INTS6: variants seen among roughly 807,000 people sequenced by gnomAD.
INTS6 encodes integrator complex subunit 6.
Under a neutral mutation model 104.9 loss-of-function variants are expected in INTS6, and 16 were observed. The ratio of observed to expected loss-of-function variants is 0.15; its 90% confidence interval spans 0.10 to 0.23. INTS6 has a LOEUF of 0.23. INTS6 is among the 10% of genes least tolerant of loss of function. The pLI is 1.00. For synonymous variants in INTS6, 324 were observed against 358.7 expected (o/e 0.90, Z 1.09); for missense variants, 584 against 1,062.8 (o/e 0.55, Z 6.26).
chr13:51,362,194 A>ATT lies in INTS6; in HGVS notation c.*3557_*3558insAA. ...CTGAAGACACTTGGAAAAATCATGA[A>ATT]AGTAAAATAAATTATAAATCTTGCC... is the stretch of plus-strand genomic sequence containing the variant. On this transcript the variant is annotated 3_prime_UTR_variant, in exon 18 of 18. Transcript: ENST00000311234. 1.5e-6 allele frequency: 1 copy of ATT among 657,426 alleles called. No individual in the cohort carries two copies. The highest frequency in any genetic ancestry group is 2.3e-6 in the Non-Finnish European group (1 of 436,350). 40.7% of individuals were successfully genotyped at this position (657,426 alleles called of 1,614,324 possible).
intron 2 of INTS6, 143 bp downstream of exon 2, chr13:51,451,835 C>A (rs1368195303): frequency 4.3e-6 from 2 of 469,568 alleles, no homozygotes; most frequent in Non-Finnish European, 7.5e-6. Flanking sequence ...GGGTGGGAGC[C>A]CGCAGGGAAG....
chr13:51,445,016 A>T (rs1474504108), intron 3 of INTS6: 7 of 152,112 alleles, frequency 4.6e-5, no homozygotes, highest in Non-Finnish European at 7.4e-5. Flanking sequence ...AGCTCAGTTA[A>T]ATCTTATTAA....
At chr13:51,346,889 AAG>A in the INTS6 span, 4 of 640,650 alleles carry the variant, frequency 6.2e-6, no homozygotes, top group Non-Finnish European at 1.1e-5. Context: ...TTGTAAGATG[AAG>A]AGAGAGACCA....
intron 4 of INTS6, among the ~76,000 whole-genome samples, chr13:51,415,155 T>C (rs1449991704): frequency 2.6e-5 from 4 of 151,592 alleles, no homozygotes; most frequent in Non-Finnish European, 5.9e-5. Flanking sequence ...ATGTACTAAA[T>C]GGCACAGAAC....
intron 5 of INTS6, among the ~76,000 whole-genome samples, chr13:51,394,643 G>C (rs2137964577): frequency 6.6e-6 from 1 of 152,176 alleles, no homozygotes; most frequent in Middle Eastern, 3.4e-3. Flanking sequence ...AACCAAAAAT[G>C]CCGTGTCTGT....
At position 51,447,625 on chromosome 13, in the gene INTS6, T is replaced by C. The variant is rs12584804; in HGVS notation, c.339+3400A>G. The stretch of plus-strand genomic sequence containing the variant: ...CTAACTCCTGGAACAATTTAATCAG[T>C]ACTAACATACTTCAGGTAGCAGGGG... On this transcript the variant is annotated intron_variant, in intron 3 of 17. Transcript: ENST00000311234. 0.012 allele frequency: 1,716 copies of C among 145,924 alleles called. 90 individuals carry two copies. In the East Asian group the frequency reaches 0.17, roughly 14 times the overall value. The allele number at this position is 145,924 out of a possible 1,614,324, so 9.0% of individuals were successfully genotyped here. A position where few individuals can be genotyped will look rare whatever the true frequency, so the allele number is the denominator to read the frequency against.
downstream of INTS6, among the ~76,000 whole-genome samples, chr13:51,358,833 T>A (rs1422468590): frequency 6.6e-6 from 1 of 152,012 alleles, no homozygotes; most frequent in East Asian, 1.9e-4. Flanking sequence ...GAATGTTGTA[T>A]TGTAGGAGCA....
intron 16 of INTS6, 22 bp from the exon 17 acceptor site, chr13:51,367,920 AG>A (rs1267865860): frequency 7.6e-7 from 1 of 1,320,184 alleles, no homozygotes; most frequent in East Asian, 2.5e-5. Flanking sequence ...AGAAACAAAA[AG>A]AAAAATTAAG....
At chr13:51,370,876 G>C (rs991202873) in intron 15 of INTS6, among the ~76,000 whole-genome samples, 2 of 152,122 alleles carry the variant, frequency 1.3e-5, no homozygotes, top group Admixed American at 1.3e-4. Flanking sequence ...ATAGGGAATG[G>C]ATCTTTGGGT....
chr13:51,387,632 T>A, intron 6 of INTS6, 92 bp from the exon 7 acceptor site: 1 of 982,830 alleles, frequency 1.0e-6, no homozygotes, highest in Non-Finnish European at 1.4e-6. Flanking sequence ...CTTAAATTAA[T>A]AAAAAATTCC....
chr13:51,379,586 G>T lies in INTS6; in HGVS notation c.1276-14C>A. 1 of 1,430,054 alleles carries T rather than the reference G, an allele frequency of 7.0e-7. No homozygotes were observed. The highest frequency in any genetic ancestry group is 9.7e-7 in the Non-Finnish European group (1 of 1,035,526). 88.6% of individuals were successfully genotyped at this position (1,430,054 alleles called of 1,614,324 possible). A position where few individuals can be genotyped will look rare whatever the true frequency, so the allele number is the denominator to read the frequency against. ...TTTCTTCAAGGGCTATAGGAAAAAA[G>T]AAAACATCATTCAATATTAAGCTTA... On this transcript the variant is annotated splice_polypyrimidine_tract_variant and intron_variant, in intron 10 of 17. Coordinates refer to ENST00000311234, the MANE Select transcript of INTS6 (RefSeq NM_012141.3).
chr13:51,425,615 G>A (rs1956970734), intron 4 of INTS6, among the ~76,000 whole-genome samples: 1 of 152,048 alleles, frequency 6.6e-6, no homozygotes, highest in Admixed American at 6.6e-5. Flanking sequence ...GTACTGGCAG[G>A]ATTTCTTCTG....
At chr13:51,350,216 G>C (rs1353180726), downstream of INTS6, among the ~76,000 whole-genome samples, 2 of 152,114 alleles carry the variant, frequency 1.3e-5, no homozygotes, top group Non-Finnish European at 2.9e-5. Context: ...ACATCACCAA[G>C]CAGTGCACTA....
In INTS6 at chr13:51,365,636, A is replaced by G. The variant is rs1955669891; in HGVS notation, c.*116T>C. On this transcript the variant is annotated 3_prime_UTR_variant, in exon 18 of 18. Transcript: ENST00000311234. Reference sequence around the variant, plus strand: ...AAAAAGGATCTGTAGATTTGCTTTTAGTATTTCAAATAGCCAACAATGCAT... The same window carrying G: ...AAAAAGGATCTGTAGATTTGCTTTTGGTATTTCAAATAGCCAACAATGCAT... 8 of 499,330 alleles carry G rather than the reference A, an allele frequency of 1.6e-5. No individual in the cohort carries two copies. In the South Asian group the frequency reaches 3.1e-4, roughly 19 times the overall value. The allele number at this position is 499,330 out of a possible 1,614,324, so 30.9% of individuals were successfully genotyped here. A position where few individuals can be genotyped will look rare whatever the true frequency, so the allele number is the denominator to read the frequency against.
chr13:51,378,209 C>G (rs374983700), intron 12 of INTS6, 30 bp downstream of exon 12: 99 of 1,472,004 alleles, frequency 6.7e-5, no homozygotes, highest in Non-Finnish European at 9.3e-5. Flanking sequence ...CAGAACATAA[C>G]TAGAGTAGCA....
downstream of INTS6, among the ~76,000 whole-genome samples, chr13:51,350,128 T>G (rs894631523): frequency 1.3e-5 from 2 of 152,116 alleles, no homozygotes; most frequent in African/African-American, 4.8e-5. Context: ...ATTTTTCGTT[T>G]AACAAGAGCA....
chr13:51,437,388 G>C (rs1025147650), intron 3 of INTS6: 6 of 151,948 alleles, frequency 3.9e-5, no homozygotes, highest in African/African-American at 1.5e-4. Context: ...CTTGAATGTA[G>C]GGCAAAGAAG....
rs1156747756 is a variant in INTS6 at position 51,364,274 on chromosome 13, CT to C, written c.*1477del. The C allele has an allele frequency of 4.7e-6, 7 of 1,476,692 alleles. No homozygotes were observed. Among genetic ancestry groups the C allele is most frequent in the Non-Finnish European group, 5.5e-6 (6 of 1,100,020 alleles). The allele number at this position is 1,476,692 out of a possible 1,614,324, so 91.5% of individuals were successfully genotyped here. On this transcript the variant is annotated 3_prime_UTR_variant, in exon 18 of 18. Coordinates refer to ENST00000311234, the MANE Select transcript of INTS6 (RefSeq NM_012141.3). ...CAGTATTGGGAGAGTTTCAAATCCC[CT>C]AGACTAAATGCATGTTCTCCACTTT...
At chr13:51,449,414 G>A (rs1479436540) in intron 3 of INTS6, 7 of 953,822 alleles carry the variant, frequency 7.3e-6, no homozygotes, top group Non-Finnish European at 8.7e-6. Context: ...CTGGGAAAAG[G>A]AAAATACAGG....
Sources: allele counts gnomAD v4.1 joint callset (sites outside exome capture counted in the v4.1 genomes callset), GRCh38; gene constraint gnomAD v4.1.1; transcripts MANE v1.5; gene names NCBI Gene and HGNC (gene_info 2026-07-23, HGNC 2026-07-21).